Variants in FANCA observed in about 807,000 individuals in gnomAD.
FANCA encodes FA complementation group A, also known as Fanconi anemia group A protein.
FANCA carries 236 observed loss-of-function variants against 194.3 expected under a neutral mutation model. The observed-to-expected ratio is 1.21, with a 90% CI of 1.09 to 1.35. The LOEUF (loss-of-function observed/expected upper bound fraction) is 1.35, where lower values mean the gene tolerates loss of function less well. Ranked by LOEUF, FANCA falls within the 40% of genes most tolerant of loss-of-function variation. The probability of loss-of-function intolerance (pLI) is 0.00; values close to 1 mark genes in which losing one functional copy is unlikely to be tolerated. For synonymous variants in FANCA, 1,014 were observed against 715.8 expected, an observed-to-expected ratio of 1.42 and a Z score of -6.65; for missense variants, 2,628 against 1,813.9, an observed-to-expected ratio of 1.45 and a Z score of -8.15.
chr16:89,747,790 C>T (rs975926032), intron 33 of FANCA, among the ~76,000 whole-genome samples: 2 of 152,214 alleles, frequency 1.3e-5, no homozygotes, highest in Non-Finnish European at 2.9e-5. Flanking sequence ...ATTTGTGCAT[C>T]TTCAAAAACA....
intron 10 of FANCA, among the ~76,000 whole-genome samples, chr16:89,796,416 G>A (rs573287428): frequency 2.6e-5 from 4 of 152,134 alleles, no homozygotes; most frequent in Non-Finnish European, 5.9e-5. Flanking sequence ...CCAGAGGGTC[G>A]TGCCAAGCCT....
rs868570031 is a variant in FANCA, at chr16:89,796,264, G to A, written c.894-246C>T. 6.6e-5 allele frequency among the ~76,000 whole-genome samples: 10 copies of A among 152,214 alleles called. No individual in the cohort carries two copies. The South Asian group carries it at 1.7e-3, about 25-fold the overall frequency. ...GCGAAGGAGCAGAAGGAAACAGGTG[G>A]GGAAGGGCAGGCCGCGCCACACCCG... On this transcript the variant is annotated intron_variant, in intron 10 of 42. Coordinates refer to ENST00000389301, the MANE Select transcript of FANCA (RefSeq NM_000135.4).
At position 89,810,941 on chromosome 16, in the gene FANCA, A is replaced by C. The variant is rs574311470; in HGVS notation, c.414T>G (p.Thr138=). The C allele has an allele frequency of 6.8e-6, 11 of 1,614,162 alleles. No individual in the cohort carries two copies. The highest frequency in any genetic ancestry group is 1.6e-4 in the Middle Eastern group (1 of 6,062). ...GCTGGTGTCTTACTCTCTGCTCCACAGTCAGCAGCACAGGGTGACTGGTCT... is the reference window on the plus strand; with the variant it reads ...GCTGGTGTCTTACTCTCTGCTCCACCGTCAGCAGCACAGGGTGACTGGTCT... ...PAETSHPVLL[T]VEQRKKLSSL... The change falls in exon 4 of 43, where the codon ACT becomes ACG. Residue 138 remains threonine (T), a synonymous_variant. Coordinates refer to ENST00000389301, the MANE Select transcript of FANCA (RefSeq NM_000135.4).
Position 89,815,895 on chromosome 16 carries a change from C to A in FANCA, c.171G>T (p.Leu57=), listed in dbSNP as rs1161936753. 7 of 1,613,812 alleles carry A rather than the reference C, an allele frequency of 4.3e-6. No individual in the cohort carries two copies. The highest frequency in any genetic ancestry group is 5.9e-6 in the Non-Finnish European group (7 of 1,179,690). ...AVRLLRSHQD[L]NALLLEVEGP... ...CTCTTACCTCAAGCAAAAGGGCATT[C>A]AGGTCCTGATGGCTTCGCAGGAGGC... The change falls in exon 2 of 43, where the codon CTG becomes CTT. Residue 57 remains leucine, a synonymous_variant. Coordinates refer to ENST00000389301, the MANE Select transcript of FANCA (RefSeq NM_000135.4).
intron 10 of FANCA, among the ~76,000 whole-genome samples, chr16:89,797,606 G>C (rs573652780): frequency 6.6e-6 from 1 of 152,114 alleles, no homozygotes; most frequent in Non-Finnish European, 1.5e-5. Context: ...GGCCAGGTGC[G>C]GTGGCTCACG....
At position 89,770,504 on chromosome 16, in the gene FANCA, C is replaced by A. The variant is rs1359783256; in HGVS notation, c.2222+60G>T. On this transcript the variant is annotated intron_variant, in intron 24 of 42. Coordinates refer to ENST00000389301, the MANE Select transcript of FANCA (RefSeq NM_000135.4). The stretch of plus-strand genomic sequence containing the variant: ...ATGAGTCCCTGGTCTGCAGACTTGG[C>A]CCAGCAAGAGGTGGCACCCAGAGGA... The A allele has an allele frequency of 6.0e-6, 9 of 1,490,214 alleles. No individual in the cohort carries two copies. The East Asian group carries it at 2.2e-4, about 36-fold the overall frequency. The allele number at this position is 1,490,214 out of a possible 1,614,324, so 92.3% of individuals were successfully genotyped here.
At position 89,738,000 on chromosome 16, in the gene FANCA, C is replaced by T; in HGVS notation, c.*601G>A. ...GGTGTGAGGTCTGTGGGTTCCAGTG[C>T]AGGCAGCGGGCATCCCTCAAGTACC... On this transcript the variant is annotated 3_prime_UTR_variant, in exon 43 of 43. Transcript: ENST00000389301. 1 of 1,614,184 alleles carries T rather than the reference C, an allele frequency of 6.2e-7. No homozygotes were observed. The highest frequency in any genetic ancestry group is 8.5e-7 in the Non-Finnish European group (1 of 1,180,038).
chr16:89,765,510 A>C (rs1385616232), intron 27 of FANCA, among the ~76,000 whole-genome samples: 2 of 152,270 alleles, frequency 1.3e-5, no homozygotes, highest in African/African-American at 4.8e-5. Flanking sequence ...CTTGAGCTAA[A>C]TGTCTGGAAG....
chr16:89,809,070 T>C (rs1280530978), intron 5 of FANCA, among the ~76,000 whole-genome samples: 5 of 152,008 alleles, frequency 3.3e-5, no homozygotes, highest in Admixed American at 1.3e-4. Flanking sequence ...CACACCCGGC[T>C]AATTTTTTCT....
chr16:89,808,528 T>G (rs1042242910), intron 5 of FANCA, among the ~76,000 whole-genome samples, 161 bp from the exon 6 acceptor site: 1 of 152,204 alleles, frequency 6.6e-6, no homozygotes, highest in Non-Finnish European at 1.5e-5. Flanking sequence ...GAAACACATC[T>G]TTTTTTACAA....
chr16:89,801,927 A>G (rs1360005902), intron 8 of FANCA, among the ~76,000 whole-genome samples: 1 of 152,198 alleles, frequency 6.6e-6, no homozygotes. Flanking sequence ...CAGAACTGCC[A>G]TATGATCCAG....
At chr16:89,803,050 A>C (rs1176360277) in intron 8 of FANCA, among the ~76,000 whole-genome samples, 1 of 152,222 alleles carries the variant, frequency 6.6e-6, no homozygotes, top group African/African-American at 2.4e-5. Context: ...AAATGTTGCC[A>C]ACACACAGAA....
intron 22 of FANCA, among the ~76,000 whole-genome samples, chr16:89,772,255 A>G (rs2039351563): frequency 6.6e-6 from 1 of 152,210 alleles, no homozygotes; most frequent in Non-Finnish European, 1.5e-5. Context: ...ACATGTATCA[A>G]CCTCTTGCTT....
chr16:89,744,980 T>C lies in FANCA; in HGVS notation c.3605A>G (p.Glu1202Gly), dbSNP rs760330357. ...GTACTCGCTGGCAAACTGCCGGCCT[T>C]CTTGTAGCTTCTGCAGTTCCCGGGG... ...PLPRELQKLQ[E>G]GRQFASDFLS... Residue 1202 changes from glutamate (E) to glycine (G), a missense_variant, in exon 36 of 43, where the codon GAA (glutamate) becomes GGA (glycine). Coordinates refer to ENST00000389301, the MANE Select transcript of FANCA (RefSeq NM_000135.4). The C allele has an allele frequency of 5.0e-6, 8 of 1,611,692 alleles. No homozygotes were observed. Among genetic ancestry groups the C allele is most frequent in the East Asian group, 2.2e-5 (1 of 44,892 alleles).
At chr16:89,793,726 G>A (rs1024801839) in intron 11 of FANCA, among the ~76,000 whole-genome samples, 14 of 151,932 alleles carry the variant, frequency 9.2e-5, no homozygotes, top group Admixed American at 2.6e-4. Context: ...GACCACAGGC[G>A]TGTGCCACCA....
intron 30 of FANCA, among the ~76,000 whole-genome samples, chr16:89,753,300 C>T (rs896602095): frequency 5.3e-5 from 8 of 152,092 alleles, no homozygotes; most frequent in African/African-American, 1.7e-4. Context: ...CAGCGCAGCC[C>T]GACACTCGGG....
Position 89,737,637 on chromosome 16 carries a change from T to TAAAG in FANCA, c.*960_*963dup. The stretch of plus-strand genomic sequence containing the variant: ...CCACGTGACAGTGTATAAAGCAGTT[T>TAAAG]AAAGATCTTAATAAACGAGGCCCTC... On this transcript the variant is annotated 3_prime_UTR_variant, in exon 43 of 43. Transcript: ENST00000389301. 1 of 1,347,720 alleles carries TAAAG rather than the reference T, an allele frequency of 7.4e-7. No homozygotes were observed. Among genetic ancestry groups the TAAAG allele is most frequent in the Non-Finnish European group, 9.9e-7 (1 of 1,012,290 alleles). 83.5% of individuals were successfully genotyped at this position (1,347,720 alleles called of 1,614,324 possible). A position where few individuals can be genotyped will look rare whatever the true frequency, so the allele number is the denominator to read the frequency against.
chr16:89,754,913 A>G (rs553853400), intron 30 of FANCA, among the ~76,000 whole-genome samples: 2 of 152,318 alleles, frequency 1.3e-5, no homozygotes, highest in Non-Finnish European at 2.9e-5. Context: ...TTAAGACACA[A>G]CTACAAAGCA....
chr16:89,778,960 G>A lies in FANCA; in HGVS notation c.1759C>T (p.Leu587=). Residue 587 remains leucine, a synonymous_variant, in exon 19 of 43, where the codon CTG becomes TTG. Coordinates refer to ENST00000389301, the MANE Select transcript of FANCA (RefSeq NM_000135.4). The part of the protein sequence containing the change: ...PYYVSHFLPA[L]LTPRVLPKVP... ...ATACTGACCACTCGAGGTGTGAGCAGGGCGGGGAGGAAGTGGGACACGTAG... is the reference window on the plus strand; with the variant it reads ...ATACTGACCACTCGAGGTGTGAGCAAGGCGGGGAGGAAGTGGGACACGTAG... 2.5e-6 allele frequency: 4 copies of A among 1,614,156 alleles called. No individual in the cohort carries two copies. Among genetic ancestry groups the A allele is most frequent in the East Asian group, 2.2e-5 (1 of 44,888 alleles).
Sources: allele counts gnomAD v4.1 joint callset (sites outside exome capture counted in the v4.1 genomes callset), GRCh38; gene constraint gnomAD v4.1.1; transcripts MANE v1.5; gene names NCBI Gene and HGNC (gene_info 2026-07-23, HGNC 2026-07-21).